FAM222B: variants seen among roughly 807,000 people sequenced by gnomAD.
FAM222B encodes the protein protein FAM222B.
A neutral mutation model predicts 38.0 loss-of-function variants in FAM222B; 12 were observed. The observed-to-expected ratio is 0.32, with a 90% confidence interval of 0.20 to 0.51. The LOEUF (loss-of-function observed/expected upper bound fraction) is 0.51, where lower values mean the gene tolerates loss of function less well. Ranked by LOEUF, FAM222B falls within the 20% of genes least tolerant of loss-of-function variation. The pLI, the probability that FAM222B is intolerant of heterozygous loss-of-function variation, is 0.97. For synonymous variants in FAM222B, 329 were observed against 317.2 expected (o/e 1.04, Z -0.40); for missense variants, 716 against 754.2 (o/e 0.95, Z 0.59).
chr17:28,760,953 G>A (rs2035043465), intron 2 of FAM222B, among the ~76,000 whole-genome samples: 1 of 152,220 alleles, frequency 6.6e-6, no homozygotes, highest in African/African-American at 2.4e-5. Context: ...TGCTTGAGAA[G>A]GAAGATAATA....
intron 1 of FAM222B, among the ~76,000 whole-genome samples, chr17:28,799,391 G>A (rs573143268): frequency 8.0e-5 from 12 of 149,426 alleles, no homozygotes; most frequent in Admixed American, 2.7e-4. Context: ...TCTGCCTCTC[G>A]GGTTCAAGCG....
At chr17:28,784,763 G>A (rs1393668405) in intron 1 of FAM222B, among the ~76,000 whole-genome samples, 3 of 152,020 alleles carry the variant, frequency 2.0e-5, no homozygotes, top group Non-Finnish European at 4.4e-5. Context: ...CCAGGAGATG[G>A]AGGTTGCAGT....
At chr17:28,805,502 T>A (rs934422646) in intron 1 of FAM222B, among the ~76,000 whole-genome samples, 3 of 151,710 alleles carry the variant, frequency 2.0e-5, no homozygotes, top group Non-Finnish European at 4.4e-5. Context: ...GCCACTGAAC[T>A]CCAGCCTGGG....
intron 1 of FAM222B, among the ~76,000 whole-genome samples, chr17:28,779,214 C>T (rs536947576): frequency 4.6e-4 from 70 of 152,098 alleles, no homozygotes; most frequent in Admixed American, 3.7e-3. Context: ...GATACCAAAG[C>T]GAGACAAGGA....
At chr17:28,828,095 ATTTTTTTTT>A (rs528492764) in intron 1 of FAM222B, among the ~76,000 whole-genome samples, 4 of 74,634 alleles carry the variant, frequency 5.4e-5, no homozygotes, top group East Asian at 3.9e-4. Flanking sequence ...ATCAAATCCA[ATTTTTTTTT>A]TTTTTTTTTT....
intron 1 of FAM222B, among the ~76,000 whole-genome samples, chr17:28,784,604 TG>T (rs1427811936): frequency 1.4e-5 from 2 of 145,114 alleles, no homozygotes; most frequent in East Asian, 4.5e-4. Context: ...TCTGGGAGGC[TG>T]AGGTGGGCGG....
At chr17:28,789,541 C>G (rs554114458) in intron 1 of FAM222B, among the ~76,000 whole-genome samples, 1 of 152,270 alleles carries the variant, frequency 6.6e-6, no homozygotes, top group African/African-American at 2.4e-5. Flanking sequence ...CTTACCAACT[C>G]AGTGTCCTTA....
chr17:28,805,949 C>T (rs2037477373), intron 1 of FAM222B, among the ~76,000 whole-genome samples: 1 of 152,072 alleles, frequency 6.6e-6, no homozygotes, highest in Non-Finnish European at 1.5e-5. Flanking sequence ...CGAGACCAGC[C>T]TGACCAACAT....
rs755442143 is a variant in FAM222B at position 28,766,648 on chromosome 17, C to G, written c.20G>C (p.Gly7Ala). Residue 7 changes from glycine (G) to alanine (A), a missense_variant, in exon 2 of 3, where the codon GGG becomes GCG. Physicochemically the swap from Gly to Ala is moderately conservative, Grantham distance 60 (BLOSUM62 0). Coordinates refer to ENST00000581407, the MANE Select transcript of FAM222B (RefSeq NM_001077498.3). ...AAGCTGAAAGGACAGGTCACCTGGC[C>G]CTGGTAGACAGGCTAGCATGGCAGA... Reference protein sequence around the residue: MLACLPGPGDLSFQLLS... With the variant: MLACLPAPGDLSFQLLS... 1 of 1,605,122 alleles carries G rather than the reference C, an allele frequency of 6.2e-7. No individual in the cohort carries two copies. The highest frequency in any genetic ancestry group is 1.1e-5 in the South Asian group (1 of 89,246).
chr17:28,803,591 C>G (rs2037339630), intron 1 of FAM222B, among the ~76,000 whole-genome samples: 1 of 152,130 alleles, frequency 6.6e-6, no homozygotes, highest in African/African-American at 2.4e-5. Flanking sequence ...GCCACTGTGT[C>G]TGGCTGCAGT....
chr17:28,795,889 T>C (rs1204006628), intron 1 of FAM222B, among the ~76,000 whole-genome samples: 2 of 152,184 alleles, frequency 1.3e-5, no homozygotes, highest in African/African-American at 4.8e-5. Context: ...TATTCTCCTA[T>C]GATAAGCAAC....
intron 1 of FAM222B, among the ~76,000 whole-genome samples, chr17:28,821,418 CAA>C (rs1175985058): frequency 6.6e-6 from 1 of 152,166 alleles, no homozygotes; most frequent in African/African-American, 2.4e-5. Context: ...CTTTAACTTG[CAA>C]AAGTGTTTTA....
At chr17:28,798,250 C>T (rs1385895827) in intron 1 of FAM222B, among the ~76,000 whole-genome samples, 2 of 151,852 alleles carry the variant, frequency 1.3e-5, no homozygotes, top group Admixed American at 6.6e-5. Flanking sequence ...GGTGTGATGG[C>T]GTGCACCTAC....
intron 1 of FAM222B, among the ~76,000 whole-genome samples, chr17:28,799,325 T>C (rs1337875951): frequency 7.8e-6 from 1 of 127,696 alleles, no homozygotes; most frequent in African/African-American, 3.0e-5. Context: ...TGAGACCGAG[T>C]CTCGGTCTGT....
intron 1 of FAM222B, among the ~76,000 whole-genome samples, chr17:28,830,165 T>C (rs987022620): frequency 4.2e-5 from 6 of 142,218 alleles, no homozygotes; most frequent in Non-Finnish European, 7.6e-5. Flanking sequence ...TACATTCTTT[T>C]TTTTTTTTTT....
Position 28,795,222 on chromosome 17 carries a change from A to G in FAM222B, c.-40-28515T>C, listed in dbSNP as rs570257961. On this transcript the variant is annotated intron_variant, in intron 1 of 2. Transcript: ENST00000581407. ...CCCTGGAGTACAGTGATGGGATCTCATATCACGGCAACCTCCACTTCAAGC... is the reference window on the plus strand; with the variant it reads ...CCCTGGAGTACAGTGATGGGATCTCGTATCACGGCAACCTCCACTTCAAGC... Among the ~76,000 whole-genome samples, 29 of 152,262 alleles carry G rather than the reference A, an allele frequency of 1.9e-4. No individual in the cohort carries two copies. In the South Asian group the frequency reaches 5.6e-3, roughly 29 times the overall value.
Position 28,808,936 on chromosome 17 carries a change from C to T in FAM222B, c.-41+33746G>A, listed in dbSNP as rs540836294. On this transcript the variant is annotated intron_variant, in intron 1 of 2. Transcript: ENST00000581407. ...GCAATGCCAAGGGCCCAATATTTTT[C>T]TTTCACCTTCTCAAGGGGATCATTT... 9.3e-4 allele frequency among the ~76,000 whole-genome samples: 142 copies of T among 152,278 alleles called. 1 individual carries two copies. The highest frequency in any genetic ancestry group is 3.4e-3 in the Middle Eastern group (1 of 294).
chr17:28,776,785 A>G (rs891243983), intron 1 of FAM222B, among the ~76,000 whole-genome samples: 1 of 152,078 alleles, frequency 6.6e-6, no homozygotes, highest in Admixed American at 6.6e-5. Flanking sequence ...ATCAAGGGGA[A>G]AGTTTTATCC....
At chr17:28,777,781 ACTT>A (rs1270399601) in intron 1 of FAM222B, among the ~76,000 whole-genome samples, 1 of 143,648 alleles carries the variant, frequency 7.0e-6, no homozygotes, top group African/African-American at 2.5e-5. Flanking sequence ...AATGCCTGGT[ACTT>A]TTTTTTTTTC....
Sources: allele counts gnomAD v4.1 joint callset (sites outside exome capture counted in the v4.1 genomes callset), GRCh38; gene constraint gnomAD v4.1.1; transcripts MANE v1.5; gene names NCBI Gene and HGNC (gene_info 2026-07-23, HGNC 2026-07-21).